The following UTRN variants were observed in gnomAD, a reference collection of about 807,000 sequenced individuals.
The protein encoded by UTRN is dystrophin-related protein 1.
Under a neutral mutation model 463.9 loss-of-function variants are expected in UTRN, and 283 were observed. That is an observed-to-expected ratio of 0.61 (90% CI 0.55 to 0.67). The LOEUF (loss-of-function observed/expected upper bound fraction) is 0.67, where lower values mean the gene tolerates loss of function less well. Ranked by LOEUF, UTRN falls within the 30% of genes least tolerant of loss-of-function variation. The pLI is 0.00. For missense variants in UTRN, 3,922 were observed against 4,084.3 expected (o/e 0.96, Z 1.08); for synonymous variants, 1,442 against 1,431.5 (o/e 1.01, Z -0.17).
At chr6:144,689,537 G>T (rs569884375) in intron 52 of UTRN, among the ~76,000 whole-genome samples, 5 of 152,244 alleles carry the variant, frequency 3.3e-5, no homozygotes, top group African/African-American at 1.2e-4. Context: ...AATCCCTGAG[G>T]GCCAGACTAT....
At chr6:144,535,029 C>T (rs946064337) in intron 43 of UTRN, among the ~76,000 whole-genome samples, 2 of 152,178 alleles carry the variant, frequency 1.3e-5, no homozygotes, top group African/African-American at 2.4e-5. Context: ...TCTTATATGT[C>T]ATGCTATTCA....
intron 52 of UTRN, among the ~76,000 whole-genome samples, chr6:144,696,663 C>CAA (rs949226175): frequency 8.6e-5 from 13 of 151,924 alleles, no homozygotes; most frequent in African/African-American, 3.1e-4. Flanking sequence ...TACCATAAAC[C>CAA]AAAATATATA....
chr6:144,316,266 G>A (rs1438085373), intron 2 of UTRN, among the ~76,000 whole-genome samples: 1 of 152,196 alleles, frequency 6.6e-6, no homozygotes, highest in Admixed American at 6.5e-5. Flanking sequence ...TGTGGCAATT[G>A]GTGGCTCTTA....
intron 23 of UTRN, among the ~76,000 whole-genome samples, chr6:144,469,819 C>T (rs1468035465): frequency 6.6e-6 from 1 of 151,168 alleles, no homozygotes; most frequent in African/African-American, 2.4e-5. Flanking sequence ...GAACAAAGGT[C>T]TCTGGTTTTC....
chr6:144,288,755 TC>T (rs1343101962), intron 1 of UTRN, among the ~76,000 whole-genome samples: 99 of 146,650 alleles, frequency 6.8e-4, no homozygotes, highest in African/African-American at 2.4e-3. Context: ...TCTCTCTCTC[TC>T]TTTTTTTTTT....
intron 71 of UTRN, 58 bp from the exon 72 acceptor site, chr6:144,839,114 GT>G: frequency 1.5e-6 from 2 of 1,367,370 alleles, no homozygotes; most frequent in Admixed American, 3.4e-5. Context: ...AAAAGGAAAT[GT>G]TTTTCCTTAT....
At chr6:144,648,592 G>A (rs1778503884) in intron 51 of UTRN, among the ~76,000 whole-genome samples, 1 of 152,288 alleles carries the variant, frequency 6.6e-6, no homozygotes, top group Non-Finnish European at 1.5e-5. Flanking sequence ...ATGATTTACA[G>A]GAAGATGGGA....
At chr6:144,712,304 C>G (rs1434963339) in intron 53 of UTRN, among the ~76,000 whole-genome samples, 2 of 152,160 alleles carry the variant, frequency 1.3e-5, no homozygotes, top group African/African-American at 4.8e-5. Context: ...TGCACCTGGA[C>G]TTGTCTCCTA....
chr6:144,824,770 T>TGGG (rs199498962), intron 66 of UTRN, among the ~76,000 whole-genome samples: 44 of 114,676 alleles, frequency 3.8e-4, no homozygotes, highest in African/African-American at 8.3e-4. Context: ...GTGAAGTTGG[T>TGGG]GGTGGGGGGG....
At chr6:144,363,281 G>A (rs184834404) in intron 2 of UTRN, among the ~76,000 whole-genome samples, 4 of 152,138 alleles carry the variant, frequency 2.6e-5, no homozygotes, top group East Asian at 1.9e-4. Flanking sequence ...TTCTCACTTC[G>A]AGAAGCACTG....
intron 60 of UTRN, among the ~76,000 whole-genome samples, chr6:144,781,147 A>G (rs966442182): frequency 7.9e-5 from 12 of 152,302 alleles, no homozygotes; most frequent in African/African-American, 2.9e-4. Context: ...TAGATGTTGT[A>G]CACATGAAGA....
intron 38 of UTRN, 132 bp downstream of exon 38, chr6:144,516,519 G>T (rs1255182400): frequency 3.0e-5 from 32 of 1,066,678 alleles, no homozygotes; most frequent in Non-Finnish European, 4.1e-5. Flanking sequence ...ATTTTTTGAT[G>T]TGTGTCAATG....
chr6:144,648,181 C>T (rs899296269), intron 51 of UTRN, among the ~76,000 whole-genome samples: 1 of 152,210 alleles, frequency 6.6e-6, no homozygotes, highest in African/African-American at 2.4e-5. Flanking sequence ...TTTGCTGGCT[C>T]TTGTTCCCTT....
intron 50 of UTRN, among the ~76,000 whole-genome samples, chr6:144,570,832 T>G (rs1413630384): frequency 6.6e-6 from 1 of 152,194 alleles, no homozygotes; most frequent in Admixed American, 6.5e-5. Context: ...AGCCTTGTCC[T>G]TTATACTTGC....
intron 66 of UTRN, among the ~76,000 whole-genome samples, chr6:144,823,322 G>A (rs1476470621): frequency 6.6e-6 from 1 of 151,992 alleles, no homozygotes; most frequent in East Asian, 1.9e-4. Flanking sequence ...ATTTGATATA[G>A]TTCACTTTTC....
intron 51 of UTRN, among the ~76,000 whole-genome samples, chr6:144,645,959 A>G (rs1778254464): frequency 6.6e-6 from 1 of 151,804 alleles, no homozygotes; most frequent in South Asian, 2.1e-4. Flanking sequence ...TTTAGCACAC[A>G]CTCTAGGGGT....
intron 35 of UTRN, among the ~76,000 whole-genome samples, chr6:144,513,200 C>G (rs890033713): frequency 6.6e-6 from 1 of 152,156 alleles, no homozygotes; most frequent in African/African-American, 2.4e-5. Context: ...GCAGAGCATA[C>G]AGAATCTTTT....
At chr6:144,519,054 G>C (rs1196871170) in intron 39 of UTRN, among the ~76,000 whole-genome samples, 2 of 152,130 alleles carry the variant, frequency 1.3e-5, no homozygotes, top group Admixed American at 6.5e-5. Context: ...AGAAGCACTA[G>C]TTTACAGGAC....
At chr6:144,777,953 C>G (rs1775479496) in intron 60 of UTRN, among the ~76,000 whole-genome samples, 1 of 152,152 alleles carries the variant, frequency 6.6e-6, no homozygotes, top group Non-Finnish European at 1.5e-5. Context: ...ATTTGAACGT[C>G]ATATTTTTCC....
Sources: gnomAD v4.1 joint callset for allele counts (sites outside exome capture counted in the v4.1 genomes callset) on GRCh38, gnomAD v4.1.1 for gene constraint, MANE v1.5 for transcripts, NCBI Gene and HGNC (gene_info 2026-07-23, HGNC 2026-07-21) for gene names.